RHOBTB2: variants seen among roughly 807,000 people sequenced by gnomAD.
RHOBTB2 encodes rho-related BTB domain-containing protein 2.
RHOBTB2 carries 39 observed loss-of-function variants against 66.5 expected under a neutral mutation model. The ratio of observed to expected loss-of-function variants is 0.59; its 90% CI spans 0.45 to 0.77. RHOBTB2 has a LOEUF of 0.77. Ranked by LOEUF, RHOBTB2 falls within the 30% of genes least tolerant of loss-of-function variation. The probability of loss-of-function intolerance (pLI) is 0.00; values close to 1 mark genes in which losing one functional copy is unlikely to be tolerated. For missense variants in RHOBTB2, 755 were observed against 999.1 expected (o/e 0.76, Z 3.29); for synonymous variants, 390 against 395.0 (o/e 0.99, Z 0.15).
the RHOBTB2 span, among the ~76,000 whole-genome samples, chr8:22,972,297 C>T: frequency 6.6e-6 from 1 of 152,132 alleles, no homozygotes; most frequent in Non-Finnish European, 1.5e-5. Context: ...CATAACCTGG[C>T]CCAAAGTATA....
chr8:22,962,444 C>T, the RHOBTB2 span, among the ~76,000 whole-genome samples: 1 of 152,134 alleles, frequency 6.6e-6, no homozygotes, highest in African/African-American at 2.4e-5. Context: ...AAGGCATTCA[C>T]CGCTTTGAGG....
the RHOBTB2 span, among the ~76,000 whole-genome samples, chr8:22,957,686 G>T: frequency 1.3e-5 from 2 of 152,178 alleles, no homozygotes; most frequent in African/African-American, 4.8e-5. Context: ...GCAAAATATC[G>T]CCAGGCCAAC....
chr8:22,956,516 C>T, the RHOBTB2 span, among the ~76,000 whole-genome samples: 19 of 152,292 alleles, frequency 1.2e-4, no homozygotes, highest in South Asian at 1.7e-3. Context: ...CCCCCTTTGC[C>T]TTCTGCCATG....
At chr8:22,969,753 T>A in the RHOBTB2 span, among the ~76,000 whole-genome samples, 2 of 152,132 alleles carry the variant, frequency 1.3e-5, no homozygotes, top group African/African-American at 4.8e-5. Context: ...CAAATTATAG[T>A]TTTGTTTTCT....
At position 23,005,407 on chromosome 8, in the gene RHOBTB2, C is replaced by T. The variant is rs372721516; in HGVS notation, c.228C>T (p.Val76=). ...GCTCCCGAGACGTGGTAGATGATGT[C>T]AGCGTCTCTCTGCGCCTCTGGGACA... ...LERSRDVVDD[V]SVSLRLWDTF... is the part of the protein sequence containing the mutation. Residue 76 remains valine (V), a synonymous_variant, in exon 3 of 10, where the codon GTC becomes GTT. Coordinates refer to ENST00000251822, the MANE Select transcript of RHOBTB2 (RefSeq NM_015178.3). 5.6e-6 allele frequency: 9 copies of T among 1,613,986 alleles called. No homozygotes were observed. In the East Asian group the frequency reaches 1.1e-4, roughly 20 times the overall value.
intron 1 of RHOBTB2, among the ~76,000 whole-genome samples, chr8:22,988,254 A>C (rs1810334961): frequency 6.7e-6 from 1 of 149,248 alleles, no homozygotes. Flanking sequence ...CCGCCTCCCG[A>C]ATTCAAGTGA....
At position 23,006,175 on chromosome 8, in the gene RHOBTB2, C is replaced by G; in HGVS notation, c.482+30C>G. ...GAGGTGCTGGTACCAAGGAGACAGA[C>G]ATGGATGGGTGCCTCACCATGGCTC... On this transcript the variant is annotated intron_variant, in intron 4 of 9. Coordinates refer to ENST00000251822, the MANE Select transcript of RHOBTB2 (RefSeq NM_015178.3). The surrounding 1 kb of genome is among the most constrained non-coding windows in gnomAD (Gnocchi z 6.1). The G allele has an allele frequency of 6.3e-7, 1 of 1,584,622 alleles. No individual in the cohort carries two copies. The highest frequency in any genetic ancestry group is 8.6e-7 in the Non-Finnish European group (1 of 1,160,654).
At position 23,014,795 on chromosome 8, in the gene RHOBTB2, G is replaced by C; in HGVS notation, c.1860+17G>C. 1.9e-6 allele frequency: 3 copies of C among 1,600,474 alleles called. No homozygotes were observed. Among genetic ancestry groups the C allele is most frequent in the African/African-American group, 1.3e-5 (1 of 74,692 alleles). ...CTGGCTCAGGTATCATGGCAGGGGAGGGAATCTACAACAGTCTCAGTTCTA... is the reference window on the plus strand; with the variant it reads ...CTGGCTCAGGTATCATGGCAGGGGACGGAATCTACAACAGTCTCAGTTCTA... On this transcript the variant is annotated intron_variant, in intron 8 of 9. Coordinates refer to ENST00000251822, the MANE Select transcript of RHOBTB2 (RefSeq NM_015178.3).
chr8:22,996,909 C>G (rs76355790), upstream of RHOBTB2, among the ~76,000 whole-genome samples: 4,976 of 152,178 alleles, frequency 0.033, 250 homozygotes, highest in African/African-American at 0.11. Context: ...GCCAGATCCT[C>G]AGCTGGGGTA....
chr8:22,954,481 T>G, the RHOBTB2 span, among the ~76,000 whole-genome samples: 314 of 152,316 alleles, frequency 2.1e-3, no homozygotes, highest in African/African-American at 7.3e-3. Flanking sequence ...TGTATCGTTT[T>G]CTATTGCAGA....
At chr8:22,988,260 A>T (rs1810335093) in intron 1 of RHOBTB2, among the ~76,000 whole-genome samples, 1 of 149,518 alleles carries the variant, frequency 6.7e-6, no homozygotes. Flanking sequence ...CCCGAATTCA[A>T]GTGATTCTCC....
intron 5 of RHOBTB2, 95 bp from the exon 6 acceptor site, chr8:23,007,898 A>G: frequency 6.7e-7 from 1 of 1,485,468 alleles, no homozygotes; most frequent in Non-Finnish European, 9.3e-7. Context: ...CGTGCCCCGA[A>G]TCTTCTGGGT....
chr8:22,973,103 T>C, the RHOBTB2 span, among the ~76,000 whole-genome samples: 1 of 152,234 alleles, frequency 6.6e-6, no homozygotes, highest in Non-Finnish European at 1.5e-5. Flanking sequence ...AAAGTCATGT[T>C]GGTCCTCCAC....
At chr8:22,978,500 C>A in the RHOBTB2 span, among the ~76,000 whole-genome samples, 209 of 139,634 alleles carry the variant, frequency 1.5e-3, 1 homozygote, top group Middle Eastern at 7.8e-3. Flanking sequence ...AAAAAAAAAA[C>A]AAAAAAACAA....
At chr8:22,972,930 A>G in the RHOBTB2 span, among the ~76,000 whole-genome samples, 198 of 152,176 alleles carry the variant, frequency 1.3e-3, no homozygotes, top group Non-Finnish European at 2.2e-3. Context: ...CCATCCTGCG[A>G]TGGGTGCAGT....
intron 2 of RHOBTB2, among the ~76,000 whole-genome samples, chr8:22,993,389 C>T (rs369797231): frequency 2.6e-5 from 4 of 152,156 alleles, no homozygotes; most frequent in East Asian, 3.9e-4. Context: ...GCCCTCCACA[C>T]ACGGCCCAGA....
intron 7 of RHOBTB2, among the ~76,000 whole-genome samples, chr8:23,012,467 G>A: frequency 6.6e-6 from 1 of 152,244 alleles, no homozygotes; most frequent in Non-Finnish European, 1.5e-5. Context: ...ATCAGGGGAA[G>A]ATGCCAAGTT....
chr8:23,009,743 A>G (rs1331075605), intron 6 of RHOBTB2, among the ~76,000 whole-genome samples: 1 of 152,188 alleles, frequency 6.6e-6, no homozygotes, highest in Admixed American at 6.5e-5. Flanking sequence ...GGCTAAGTGG[A>G]AGCGTTGGGA....
chr8:22,955,660 C>G, the RHOBTB2 span, among the ~76,000 whole-genome samples: 1 of 150,552 alleles, frequency 6.6e-6, no homozygotes, highest in South Asian at 2.1e-4. Context: ...CCCTTGACCT[C>G]CTAGGCTCAA....
Sources: allele counts gnomAD v4.1 joint callset (sites outside exome capture counted in the v4.1 genomes callset), GRCh38; gene constraint gnomAD v4.1.1; non-coding constraint Gnocchi (gnomAD v3.1); transcripts MANE v1.5; gene names NCBI Gene and HGNC (gene_info 2026-07-23, HGNC 2026-07-21).